GTF2H3: variants seen among roughly 807,000 people sequenced by gnomAD.
GTF2H3 encodes the protein general transcription factor IIH subunit 3, also known as TFIIH basal transcription factor complex p34 subunit.
Under a neutral mutation model 51.1 loss-of-function variants are expected in GTF2H3, and 42 were observed. That is an observed-to-expected ratio of 0.82 (90% confidence interval 0.64 to 1.06). The LOEUF (loss-of-function observed/expected upper bound fraction) is 1.06. Among genes scored for constraint, GTF2H3 ranks in the 50% least tolerant of loss-of-function variants. The pLI, the probability that GTF2H3 is intolerant of heterozygous loss-of-function variation, is 0.00. For synonymous variants in GTF2H3, 123 were observed against 123.8 expected (o/e 0.99, Z 0.04); for missense variants, 326 against 366.1 (o/e 0.89, Z 0.89).
At chr12:123,642,968 G>A (rs977123925) in intron 2 of GTF2H3, among the ~76,000 whole-genome samples, 12 of 152,096 alleles carry the variant, frequency 7.9e-5, no homozygotes, top group African/African-American at 2.7e-4. Context: ...TCCACCTCCC[G>A]GGTTCAAGCA....
chr12:123,659,794 G>A lies in GTF2H3; in HGVS notation c.685-1G>A. ...GTTTCTTTTGTTTGTTTGTTTTACA[G>A]TGGGTGTTTCTTCCCGATCAAGATC... is the stretch of plus-strand genomic sequence containing the variant. On this transcript the variant is annotated splice_acceptor_variant, in intron 10 of 12. Coordinates refer to ENST00000543341, the MANE Select transcript of GTF2H3 (RefSeq NM_001516.5). LOFTEE classifies it high-confidence loss of function. 6.2e-7 allele frequency: 1 copy of A among 1,610,404 alleles called. No individual in the cohort carries two copies. Among genetic ancestry groups the A allele is most frequent in the Non-Finnish European group, 8.5e-7 (1 of 1,178,808 alleles).
Position 123,654,982 on chromosome 12 carries a change from T to C in GTF2H3, c.545T>C (p.Phe182Ser). The C allele has an allele frequency of 6.2e-7, 1 of 1,612,350 alleles. No individual in the cohort carries two copies. Among genetic ancestry groups the C allele is most frequent in the Non-Finnish European group, 8.5e-7 (1 of 1,178,342 alleles). Residue 182 changes from phenylalanine to serine, a missense_variant, in exon 8 of 13, where the codon TTT becomes TCT. Transcript: ENST00000543341. ...TATATGAACTTCATGAATGTCATCTTTGCAGCACAGAAACAGGTGAACTGA... is the reference window on the plus strand; with the variant it reads ...TATATGAACTTCATGAATGTCATCTCTGCAGCACAGAAACAGGTGAACTGA... Reference protein sequence around the residue: ...LQYMNFMNVIFAAQKQNILID... With the variant: ...LQYMNFMNVISAAQKQNILID...
At chr12:123,649,585 T>C (rs1453468643) in intron 4 of GTF2H3, 2 of 152,222 alleles carry the variant, frequency 1.3e-5, no homozygotes, top group African/African-American at 4.8e-5. Flanking sequence ...ATCTTAAAAA[T>C]CAAAGCTGCC....
At chr12:123,637,651 C>T (rs923505922) in intron 1 of GTF2H3, among the ~76,000 whole-genome samples, 2 of 151,654 alleles carry the variant, frequency 1.3e-5, no homozygotes, top group African/African-American at 4.8e-5. Flanking sequence ...TACAGGTGTG[C>T]ACCACCATGC....
chr12:123,652,767 G>T, intron 7 of GTF2H3, 32 bp downstream of exon 7: 1 of 1,455,602 alleles, frequency 6.9e-7, no homozygotes, highest in South Asian at 1.3e-5. Context: ...TTTTTTATAT[G>T]ACAACTATAA....
chr12:123,651,272 A>G, intron 5 of GTF2H3: 9 of 386,130 alleles, frequency 2.3e-5, no homozygotes, highest in Non-Finnish European at 3.4e-5. Context: ...GTGCAGTGGC[A>G]CAATCTCGGC....
At chr12:123,659,623 A>G (rs748592594) in intron 10 of GTF2H3, 39 bp downstream of exon 10, 1 of 1,582,790 alleles carries the variant, frequency 6.3e-7, no homozygotes, top group African/African-American at 1.3e-5. Flanking sequence ...GCCTGGAGGG[A>G]AGGATGACCT....
chr12:123,636,362 A>G (rs1955283320), intron 1 of GTF2H3, among the ~76,000 whole-genome samples: 1 of 152,204 alleles, frequency 6.6e-6, no homozygotes, highest in Non-Finnish European at 1.5e-5. Context: ...TTTGAGGAGT[A>G]ATTGGGATTT....
Position 123,652,938 on chromosome 12 carries a change from C to T in GTF2H3, c.486+203C>T, listed in dbSNP as rs1962020. On this transcript the variant is annotated intron_variant, in intron 7 of 12. Coordinates refer to ENST00000543341, the MANE Select transcript of GTF2H3 (RefSeq NM_001516.5). ...ACTCAAAATACAAAAATTAGCTGGG[C>T]GTGGTGGTGCATGCCTATAGTCCCA... Among the ~76,000 whole-genome samples, 45,362 of 151,352 alleles carry T rather than the reference C, an allele frequency of 0.3. 7,523 individuals are homozygous for T. Among genetic ancestry groups the T allele is most frequent in the Non-Finnish European group, 0.39 (26,333 of 67,794 alleles).
intron 1 of GTF2H3, among the ~76,000 whole-genome samples, chr12:123,634,230 C>A (rs1955238237): frequency 6.6e-6 from 1 of 152,088 alleles, no homozygotes; most frequent in Non-Finnish European, 1.5e-5. Flanking sequence ...CGCTTGAAGC[C>A]GGGAGTTCGA....
intron 1 of GTF2H3, among the ~76,000 whole-genome samples, chr12:123,638,939 G>A (rs1955328059): frequency 6.6e-6 from 1 of 151,962 alleles, no homozygotes; most frequent in Admixed American, 6.6e-5. Context: ...GGGACTACAG[G>A]CGCCCACCAC....
intron 9 of GTF2H3, among the ~76,000 whole-genome samples, chr12:123,658,061 T>G (rs1278619877): frequency 6.6e-6 from 1 of 152,126 alleles, no homozygotes; most frequent in Non-Finnish European, 1.5e-5. Flanking sequence ...TATTTTTATT[T>G]TATTTTATTT....
chr12:123,662,583 C>T lies in GTF2H3; in HGVS notation c.*2348C>T, dbSNP rs1369796022. ...ATGAGTTATTTTATATAAATTTTTA[C>T]AATAAAATAATTTGATTTTCATATT... On this transcript the variant is annotated 3_prime_UTR_variant, in exon 13 of 13. Transcript: ENST00000543341. 2 of 151,978 alleles carry T rather than the reference C, an allele frequency of 1.3e-5. No individual in the cohort carries two copies. Among genetic ancestry groups the T allele is most frequent in the Non-Finnish European group, 2.9e-5 (2 of 68,012 alleles). 9.4% of individuals were successfully genotyped at this position (151,978 alleles called of 1,614,324 possible). A position where few individuals can be genotyped will look rare whatever the true frequency, so the allele number is the denominator to read the frequency against.
At position 123,655,803 on chromosome 12, in the gene GTF2H3, C is replaced by T. The variant is rs776888139; in HGVS notation, c.594C>T (p.Ser198=). 16 of 1,598,928 alleles carry T rather than the reference C, an allele frequency of 1.0e-5. No homozygotes were observed. The highest frequency in any genetic ancestry group is 1.7e-4 in the Middle Eastern group (1 of 5,890). ...NILIDACVLD[S]DSGLLQQACD... ...TGATTGATGCCTGTGTTTTAGACTC[C>T]GACTCAGGGCTCCTCCAACAGGTAT... The change falls in exon 9 of 13, where the codon TCC becomes TCT. Residue 198 remains serine (S), a synonymous_variant. Transcript: ENST00000543341.
intron 1 of GTF2H3, among the ~76,000 whole-genome samples, chr12:123,636,016 G>A (rs1366575938): frequency 3.3e-5 from 5 of 152,120 alleles, no homozygotes; most frequent in African/African-American, 9.7e-5. Flanking sequence ...TGCAGAATAC[G>A]AATACCATAT....
rs186330004 is a variant in GTF2H3, at chr12:123,639,772, C to T, written c.93+429C>T. 2.5e-3 allele frequency among the ~76,000 whole-genome samples: 387 copies of T among 152,308 alleles called. 3 individuals are homozygous for T. Among genetic ancestry groups the T allele is most frequent in the African/African-American group, 8.8e-3 (365 of 41,560 alleles). ...ATACAGAGAGGTCCTGTGTACCCAT[C>T]ACTCAAGTTCTTTCAGTGGTGACAT... is the stretch of plus-strand genomic sequence containing the variant. On this transcript the variant is annotated intron_variant, in intron 2 of 12. Transcript: ENST00000543341.
At chr12:123,643,651 T>A (rs190813902) in intron 2 of GTF2H3, among the ~76,000 whole-genome samples, 18 of 152,344 alleles carry the variant, frequency 1.2e-4, no homozygotes, top group African/African-American at 4.1e-4. Flanking sequence ...TGGTTTTTTT[T>A]AAATTAATGA....
intron 2 of GTF2H3, among the ~76,000 whole-genome samples, chr12:123,643,343 C>G (rs145472754): frequency 6.6e-6 from 1 of 152,182 alleles, no homozygotes; most frequent in South Asian, 2.1e-4. Flanking sequence ...CAGTAATATT[C>G]GTATGTACTT....
chr12:123,639,898 C>CGTGCGTGT (rs1555286890), intron 2 of GTF2H3: 4 of 449,832 alleles, frequency 8.9e-6, no homozygotes, highest in South Asian at 3.1e-5. Context: ...TGCGTGCGTG[C>CGTGCGTGT]GTGTATGTGT....
Sources: allele counts gnomAD v4.1 joint callset (sites outside exome capture counted in the v4.1 genomes callset), GRCh38; gene constraint gnomAD v4.1.1; transcripts MANE v1.5; gene names NCBI Gene and HGNC (gene_info 2026-07-23, HGNC 2026-07-21).